Variants in ACACA observed in about 807,000 individuals in gnomAD.
The protein encoded by ACACA is acetyl-CoA carboxylase 1.
Under a neutral mutation model 296.1 loss-of-function variants are expected in ACACA, and 103 were observed. That is an observed-to-expected ratio of 0.35 (90% CI 0.30 to 0.41). The LOEUF (loss-of-function observed/expected upper bound fraction) is 0.41. Ranked by LOEUF, ACACA falls within the 10% of genes least tolerant of loss-of-function variation. ACACA has a pLI of 1.00. For missense variants in ACACA, 1,554 were observed against 2,989.7 expected, an observed-to-expected ratio of 0.52 and a Z score of 11.20; for synonymous variants, 953 against 1,038.6, an observed-to-expected ratio of 0.92 and a Z score of 1.58.
At chr17:37,322,343 A>G (rs561386401) in intron 3 of ACACA, among the ~76,000 whole-genome samples, 7 of 152,316 alleles carry the variant, frequency 4.6e-5, no homozygotes, top group African/African-American at 1.7e-4. Flanking sequence ...TTAACCAAAC[A>G]TGCTTCATTT....
At position 37,385,621 on chromosome 17, in the gene ACACA, GCTAA is replaced by G. The variant is rs1298238976; in HGVS notation, c.38+20637_38+20640del. On this transcript the variant is annotated intron_variant, in intron 1 of 55. Transcript: ENST00000616317. ...AGACACACTTGCAGCAGTCATTAAG[GCTAA>G]CTGTGATATTTCATGTTCTTCCTTG... Among the ~76,000 whole-genome samples the G allele has an allele frequency of 2.0e-5, 3 of 152,222 alleles. No homozygotes were observed. In the East Asian group the frequency reaches 5.8e-4, roughly 29 times the overall value.
intron 2 of ACACA, among the ~76,000 whole-genome samples, chr17:37,333,105 G>A (rs1353565440): frequency 1.3e-5 from 2 of 152,112 alleles, no homozygotes; most frequent in African/African-American, 4.8e-5. Context: ...CTACTGCTCA[G>A]CTGGCAGAAC....
At chr17:37,158,732 C>T (rs1012622755) in intron 42 of ACACA, among the ~76,000 whole-genome samples, 1 of 152,064 alleles carries the variant, frequency 6.6e-6, no homozygotes, top group African/African-American at 2.4e-5. Context: ...CACTTTTTTC[C>T]TTCTACCCTA....
intron 52 of ACACA, among the ~76,000 whole-genome samples, chr17:37,100,326 G>A (rs980980291): frequency 2.6e-5 from 4 of 152,088 alleles, no homozygotes; most frequent in African/African-American, 9.7e-5. Context: ...TTAACCTAGT[G>A]AACAACACCT....
chr17:37,277,412 T>C (rs927198678), intron 6 of ACACA, among the ~76,000 whole-genome samples: 2 of 152,250 alleles, frequency 1.3e-5, no homozygotes, highest in Admixed American at 6.5e-5. Flanking sequence ...AAAGGGCGTT[T>C]TCTAGAAAAA....
intron 45 of ACACA, among the ~76,000 whole-genome samples, chr17:37,131,182 G>A (rs1355810129): frequency 6.6e-6 from 1 of 152,006 alleles, no homozygotes; most frequent in African/African-American, 2.4e-5. Flanking sequence ...TATCCCTGGA[G>A]GAATTTAATC....
intron 43 of ACACA, among the ~76,000 whole-genome samples, chr17:37,153,095 A>G (rs926318136): frequency 1.8e-4 from 27 of 152,328 alleles, no homozygotes; most frequent in Admixed American, 5.2e-4. Context: ...CATTAATTGT[A>G]TATGTGTTTG....
intron 41 of ACACA, among the ~76,000 whole-genome samples, chr17:37,177,851 C>G (rs2077177609): frequency 6.6e-6 from 1 of 152,224 alleles, no homozygotes; most frequent in Non-Finnish European, 1.5e-5. Context: ...TCCTACAAGT[C>G]TGATACTCTC....
chr17:37,119,641 CAA>C, intron 50 of ACACA, among the ~76,000 whole-genome samples: 1 of 133,238 alleles, frequency 7.5e-6, no homozygotes, highest in Non-Finnish European at 1.6e-5. Context: ...CACACACACA[CAA>C]TCAACCTAGT....
In ACACA at chr17:37,406,444, G is replaced by T; in HGVS notation, c.-145C>A. On this transcript the variant is annotated 5_prime_UTR_variant, in exon 1 of 56. Coordinates refer to ENST00000616317, the MANE Select transcript of ACACA (RefSeq NM_198834.3). ...TAAAATCAGTCTGGTTCATCCACGAGCAGCCCTTCGGGGCCCGGACTGGAG... is the reference window on the plus strand; with the variant it reads ...TAAAATCAGTCTGGTTCATCCACGATCAGCCCTTCGGGGCCCGGACTGGAG... The T allele has an allele frequency of 1.1e-6, 1 of 942,778 alleles. No homozygotes were observed. Among genetic ancestry groups the T allele is most frequent in the Non-Finnish European group, 1.7e-6 (1 of 599,354 alleles). The allele number at this position is 942,778 out of a possible 1,614,324, so 58.4% of individuals were successfully genotyped here. A position where few individuals can be genotyped will look rare whatever the true frequency, so the allele number is the denominator to read the frequency against.
chr17:37,321,144 TA>T (rs1270608613), intron 3 of ACACA, among the ~76,000 whole-genome samples: 3 of 152,090 alleles, frequency 2.0e-5, no homozygotes, highest in African/African-American at 7.2e-5. Flanking sequence ...TAATATTTCC[TA>T]AAGTTAATGT....
At chr17:37,399,228 G>A (rs1400218800) in intron 1 of ACACA, among the ~76,000 whole-genome samples, 2 of 151,740 alleles carry the variant, frequency 1.3e-5, no homozygotes, top group Non-Finnish European at 2.9e-5. Flanking sequence ...TGATCCACCC[G>A]CCTCAGCCTC....
chr17:37,287,064 T>C (rs901170760), intron 3 of ACACA, among the ~76,000 whole-genome samples: 6 of 152,348 alleles, frequency 3.9e-5, no homozygotes, highest in Middle Eastern at 3.4e-3. Context: ...CCTTGACTGA[T>C]AGACCCTCCA....
In ACACA at chr17:37,273,261, T is replaced by C. The variant is rs943290994; in HGVS notation, c.1008+932A>G. Among the ~76,000 whole-genome samples the C allele has an allele frequency of 7.2e-5, 11 of 152,362 alleles. No homozygotes were observed. In the East Asian group the frequency reaches 1.9e-3, roughly 27 times the overall value. ...GTGTATTTTTCTACAATAGCCTCTT[T>C]CATTATCTTTCATTATACCTGGAAG... On this transcript the variant is annotated intron_variant, in intron 9 of 55. Coordinates refer to ENST00000616317, the MANE Select transcript of ACACA (RefSeq NM_198834.3).
intron 29 of ACACA, among the ~76,000 whole-genome samples, chr17:37,220,441 A>C (rs933563316): frequency 2.5e-4 from 38 of 152,340 alleles, no homozygotes; most frequent in African/African-American, 9.1e-4. Flanking sequence ...TATAGCGTGT[A>C]GTTCTCTACA....
intron 3 of ACACA, among the ~76,000 whole-genome samples, chr17:37,308,333 A>G (rs1030266127): frequency 1.2e-4 from 18 of 152,358 alleles, no homozygotes; most frequent in African/African-American, 4.3e-4. Context: ...ACAGAGATGA[A>G]GAGATGGATA....
intron 1 of ACACA, among the ~76,000 whole-genome samples, chr17:37,388,118 T>C (rs987383654): frequency 2.0e-5 from 3 of 152,060 alleles, no homozygotes; most frequent in Non-Finnish European, 4.4e-5. Context: ...TGAGCCAAGA[T>C]TGTGCCACTG....
At chr17:37,134,390 T>C (rs1342900233) in intron 45 of ACACA, among the ~76,000 whole-genome samples, 1 of 152,234 alleles carries the variant, frequency 6.6e-6, no homozygotes, top group Non-Finnish European at 1.5e-5. Context: ...AATCACTATG[T>C]AATACTGAAT....
chr17:37,318,322 A>C (rs930843080), intron 3 of ACACA, among the ~76,000 whole-genome samples: 1 of 152,120 alleles, frequency 6.6e-6, no homozygotes, highest in African/African-American at 2.4e-5. Flanking sequence ...AGCTCACTGC[A>C]ACCTCCACCT....
Sources: allele counts gnomAD v4.1 joint callset (sites outside exome capture counted in the v4.1 genomes callset), GRCh38; gene constraint gnomAD v4.1.1; transcripts MANE v1.5; gene names NCBI Gene and HGNC (gene_info 2026-07-23, HGNC 2026-07-21).